Variants in NCKAP1L observed in about 807,000 individuals in gnomAD.
NCKAP1L encodes NCK associated protein 1 like, also known as nck-associated protein 1-like.
A neutral mutation model predicts 139.2 loss-of-function variants in NCKAP1L; 53 were observed. That is an observed-to-expected ratio of 0.38 (90% CI 0.31 to 0.48). The LOEUF is 0.48. NCKAP1L is among the 20% of genes least tolerant of loss of function. The probability of loss-of-function intolerance (pLI) is 0.98; values close to 1 mark genes in which losing one functional copy is unlikely to be tolerated. For missense variants in NCKAP1L, 1,151 were observed against 1,381.9 expected, an observed-to-expected ratio of 0.83 and a Z score of 2.65; for synonymous variants, 468 against 499.7, an observed-to-expected ratio of 0.94 and a Z score of 0.85.
chr12:54,518,273 C>G (rs933224809), intron 13 of NCKAP1L, among the ~76,000 whole-genome samples: 5 of 151,584 alleles, frequency 3.3e-5, no homozygotes, highest in Non-Finnish European at 7.4e-5. Context: ...ACCCGAGAGG[C>G]AGAGCTTGCA....
intron 9 of NCKAP1L, among the ~76,000 whole-genome samples, chr12:54,513,968 ATG>A (rs61519403): frequency 0.43 from 64,489 of 148,590 alleles, 13,965 homozygotes; most frequent in African/African-American, 0.46. Context: ...CATCCTTCAG[ATG>A]TGTGTGTGTG....
At chr12:54,527,743 C>T (rs1237182452) in intron 21 of NCKAP1L, among the ~76,000 whole-genome samples, 5 of 152,154 alleles carry the variant, frequency 3.3e-5, no homozygotes, top group African/African-American at 1.2e-4. Flanking sequence ...TTGGTCAAGC[C>T]CTCCTCTACC....
chr12:54,516,433 C>A, intron 10 of NCKAP1L, 138 bp downstream of exon 10: 2 of 727,514 alleles, frequency 2.7e-6, no homozygotes, highest in Non-Finnish European at 4.5e-6. Context: ...CCCATAAATT[C>A]TTTTTTCTTT....
chr12:54,509,593 T>C (rs1039881438), intron 5 of NCKAP1L, 76 bp from the exon 6 acceptor site: 33 of 1,003,856 alleles, frequency 3.3e-5, no homozygotes, highest in Middle Eastern at 2.8e-4. Flanking sequence ...CACATATCTT[T>C]ATCCTATATG....
Position 54,523,495 on chromosome 12 carries a change from G to A in NCKAP1L, c.1980G>A (p.Lys660=). The change falls in exon 19 of 31, where the codon AAG becomes AAA. Residue 660 remains lysine, a synonymous_variant. Transcript: ENST00000293373. ...GAAAAGGAGAGCCCGAGAGGGACAA[G>A]CCAGGAGCTGAGAGTCACCGGAAGA... ...TPRKGEPERD[K]PGAESHRKNR... The A allele has an allele frequency of 6.2e-7, 1 of 1,614,108 alleles. No homozygotes were observed. The highest frequency in any genetic ancestry group is 8.5e-7 in the Non-Finnish European group (1 of 1,180,018).
intron 27 of NCKAP1L, among the ~76,000 whole-genome samples, chr12:54,535,907 G>A (rs1214261076): frequency 1.3e-5 from 2 of 152,198 alleles, no homozygotes; most frequent in African/African-American, 2.4e-5. Context: ...CCTGTTGCCA[G>A]GGAGGCCTCC....
rs750262231 is a variant in NCKAP1L at position 54,511,871 on chromosome 12, A to G, written c.784+20A>G. ...TTATCAGTAAGTTTAGTGGGATTAG[A>G]TGGGAGTGGATGAAGCAGTATGTTA... On this transcript the variant is annotated intron_variant, in intron 8 of 30. Transcript: ENST00000293373. 2.5e-6 allele frequency: 4 copies of G among 1,614,126 alleles called. No homozygotes were observed. Among genetic ancestry groups the G allele is most frequent in the Admixed American group, 1.7e-5 (1 of 60,028 alleles).
rs754738973 is a variant in NCKAP1L at position 54,520,818 on chromosome 12, C to G, written c.1750C>G (p.Pro584Ala). 6.2e-7 allele frequency: 1 copy of G among 1,613,882 alleles called. No individual in the cohort carries two copies. The highest frequency in any genetic ancestry group is 8.5e-7 in the Non-Finnish European group (1 of 1,180,034). The change falls in exon 17 of 31, where the codon CCA becomes GCA. Residue 584 changes from proline (P) to alanine (A), a missense_variant. Pro to Ala is a conservative substitution (Grantham distance 27). Coordinates refer to ENST00000293373, the MANE Select transcript of NCKAP1L (RefSeq NM_005337.5). ...HFVHCTHEMC[P>A]EEYPHLKNHG... is the part of the protein sequence containing the mutation. ...TGTCCACTGCACTCATGAGATGTGC[C>G]CAGAGGAGGTAGGTATCCTGATCTC...
At chr12:54,507,385 A>ATTG (rs766659083) in intron 3 of NCKAP1L, among the ~76,000 whole-genome samples, 25 of 152,314 alleles carry the variant, frequency 1.6e-4, no homozygotes, top group Non-Finnish European at 3.4e-4. Flanking sequence ...CACATAGTGA[A>ATTG]TTGTCAGTAA....
chr12:54,518,583 C>T (rs770285138), intron 13 of NCKAP1L, 68 bp from the exon 14 acceptor site: 1 of 1,184,628 alleles, frequency 8.4e-7, no homozygotes, highest in South Asian at 1.2e-5. Context: ...CTGACTGAGC[C>T]TCATGGTCCT....
rs559018387 is a variant in NCKAP1L, at chr12:54,531,945, G to A, written c.2781+120G>A. ...TTAACTTCTGCTTCAGAAGGGGTTGGTGAGCATTGAGAAGAGGGAGAGTAA... is the reference window on the plus strand; with the variant it reads ...TTAACTTCTGCTTCAGAAGGGGTTGATGAGCATTGAGAAGAGGGAGAGTAA... On this transcript the variant is annotated intron_variant, in intron 25 of 30. Transcript: ENST00000293373. 4.4e-6 allele frequency: 4 copies of A among 908,440 alleles called. No homozygotes were observed. In the South Asian group the frequency reaches 4.9e-5, roughly 11 times the overall value. The allele number at this position is 908,440 out of a possible 1,614,324, so 56.3% of individuals were successfully genotyped here. A position where few individuals can be genotyped will look rare whatever the true frequency, so the allele number is the denominator to read the frequency against.
chr12:54,512,001 G>A lies in NCKAP1L; in HGVS notation c.837G>A (p.Lys279=). Residue 279 remains lysine, a synonymous_variant, in exon 9 of 31, where the codon AAG becomes AAA. Transcript: ENST00000293373. Reference sequence around the variant, plus strand: ...TCAACTCCAATAGCCAGTGCCAGAAGCTGTGGAAGCTGTGTCTGCAGGGCT... The same window carrying A: ...TCAACTCCAATAGCCAGTGCCAGAAACTGTGGAAGCTGTGTCTGCAGGGCT... ...GCLNSNSQCQ[K]LWKLCLQGSL... 6.2e-7 allele frequency: 1 copy of A among 1,614,208 alleles called. No homozygotes were observed. Among genetic ancestry groups the A allele is most frequent in the Non-Finnish European group, 8.5e-7 (1 of 1,180,030 alleles).
At chr12:54,509,600 T>C in intron 5 of NCKAP1L, 69 bp from the exon 6 acceptor site, 1 of 1,053,014 alleles carries the variant, frequency 9.5e-7, no homozygotes, top group Middle Eastern at 2.6e-4. Context: ...CTTTATCCTA[T>C]ATGCAAACAT....
At position 54,505,504 on chromosome 12, in the gene NCKAP1L, C is replaced by T. The variant is rs146249767; in HGVS notation, c.307-2349C>T. On this transcript the variant is annotated intron_variant, in intron 3 of 30. Coordinates refer to ENST00000293373, the MANE Select transcript of NCKAP1L (RefSeq NM_005337.5). Reference sequence around the variant, plus strand: ...CCCTTCACTTCTGGCCCCAGGCAACCACTGATCTACTTTCTAGAATAGATT... The same window carrying T: ...CCCTTCACTTCTGGCCCCAGGCAACTACTGATCTACTTTCTAGAATAGATT... Among the ~76,000 whole-genome samples, 57 of 150,970 alleles carry T rather than the reference C, an allele frequency of 3.8e-4. No individual in the cohort carries two copies. The East Asian group carries it at 0.011, about 29-fold the overall frequency.
chr12:54,531,436 T>A (rs753530850), intron 23 of NCKAP1L, 55 bp from the exon 24 acceptor site: 696 of 1,606,532 alleles, frequency 4.3e-4, no homozygotes, highest in Non-Finnish European at 5.4e-4. Context: ...GGGGGGAAGA[T>A]GTAACATTGG....
At chr12:54,515,690 G>A (rs962498977) in intron 9 of NCKAP1L, among the ~76,000 whole-genome samples, 1 of 152,218 alleles carries the variant, frequency 6.6e-6, no homozygotes, top group Non-Finnish European at 1.5e-5. Flanking sequence ...TTAGAATACG[G>A]GAGGCTTTGA....
In NCKAP1L at chr12:54,548,002, T is replaced by C. The variant is rs1047800244; in HGVS notation, c.*5317T>C. ...CTCTGTACTTTCTGGGAGCTGGTTC[T>C]GCTGATACTTCTGCTGAATCTAAAT... is the stretch of plus-strand genomic sequence containing the variant. On this transcript the variant is annotated 3_prime_UTR_variant, in exon 31 of 31. Coordinates refer to ENST00000293373, the MANE Select transcript of NCKAP1L (RefSeq NM_005337.5). The C allele has an allele frequency of 6.6e-6, 1 of 152,316 alleles. No individual in the cohort carries two copies. Among genetic ancestry groups the C allele is most frequent in the Non-Finnish European group, 1.5e-5 (1 of 68,048 alleles). 9.4% of individuals were successfully genotyped at this position (152,316 alleles called of 1,614,324 possible).
intron 10 of NCKAP1L, among the ~76,000 whole-genome samples, 155 bp downstream of exon 10, chr12:54,516,450 CTTT>C (rs112859632): frequency 6.9e-6 from 1 of 145,252 alleles, no homozygotes; most frequent in Non-Finnish European, 1.5e-5. Flanking sequence ...CTTTTCTTTT[CTTT>C]TTTTTTTTTT....
rs1957118264 is a variant in NCKAP1L at position 54,536,951 on chromosome 12, C to A, written c.3081C>A (p.Asn1027Lys). The A allele has an allele frequency of 6.2e-7, 1 of 1,608,916 alleles. No individual in the cohort carries two copies. Among genetic ancestry groups the A allele is most frequent in the Non-Finnish European group, 8.5e-7 (1 of 1,176,116 alleles). The change falls in exon 29 of 31, where the codon AAC (asparagine) becomes AAA (lysine). Residue 1027 changes from asparagine (N) to lysine (K), a missense_variant. Physicochemically the swap from Asn to Lys is moderately conservative, Grantham distance 94. Coordinates refer to ENST00000293373, the MANE Select transcript of NCKAP1L (RefSeq NM_005337.5). ...ATATCAATAATAACCTAGGTTACAA[C>A]AACAATATTCATTGCTTGACCAAAG... is the stretch of plus-strand genomic sequence containing the variant. ...SFYSIEKDGY[N>K]NNIHCLTKAI...
Sources: gnomAD v4.1 joint callset for allele counts (sites outside exome capture counted in the v4.1 genomes callset) on GRCh38, gnomAD v4.1.1 for gene constraint, MANE v1.5 for transcripts, NCBI Gene and HGNC (gene_info 2026-07-23, HGNC 2026-07-21) for gene names.